Variants in TBL1X observed in about 807,000 individuals in gnomAD.
The protein encoded by TBL1X is transducin beta like 1 X-linked, also known as F-box-like/WD repeat-containing protein TBL1X.
A neutral mutation model predicts 50.7 loss-of-function variants in TBL1X; 10 were observed. The ratio of observed to expected loss-of-function variants is 0.20; its 90% CI spans 0.12 to 0.33. The LOEUF is 0.33. Ranked by LOEUF, TBL1X falls within the 10% of genes least tolerant of loss-of-function variation. TBL1X has a pLI of 1.00. For synonymous variants in TBL1X, 190 were observed against 214.7 expected, an observed-to-expected ratio of 0.88 and a Z score of 1.01; for missense variants, 340 against 504.4, an observed-to-expected ratio of 0.67 and a Z score of 3.12.
At chrX:9,534,199 A>G (rs140259554) in intron 2 of TBL1X, among the ~76,000 whole-genome samples, 1,252 of 111,762 alleles carry the variant, frequency 0.011, 17 homozygotes, top group African/African-American at 0.037. Context: ...CACTGTGTCT[A>G]CAATGTCTGT....
At chrX:9,644,659 C>CTTTTTTT (rs759109242) in intron 3 of TBL1X, 1 of 104,190 alleles carries the variant, frequency 9.6e-6, no homozygotes, top group Non-Finnish European at 2.0e-5. Context: ...CTTTTCTTTT[C>CTTTTTTT]TTTTTTTTTT....
intron 2 of TBL1X, among the ~76,000 whole-genome samples, chrX:9,551,419 C>T (rs1189661635): frequency 1.8e-5 from 2 of 111,250 alleles, no homozygotes; most frequent in South Asian, 3.9e-4. Context: ...TTAAGACCAA[C>T]GGGCCTCTGT....
At chrX:9,496,086 T>G (rs1223606980) in intron 1 of TBL1X, among the ~76,000 whole-genome samples, 2 of 112,423 alleles carry the variant, frequency 1.8e-5, no homozygotes, top group Non-Finnish European at 3.8e-5. Flanking sequence ...ACAATACACA[T>G]TGATATTTTG....
intron 2 of TBL1X, among the ~76,000 whole-genome samples, chrX:9,514,610 C>A (rs73487907): frequency 0.017 from 1,913 of 112,144 alleles, 48 homozygotes; most frequent in African/African-American, 0.058. Flanking sequence ...TACACACTCA[C>A]ACTGCGTTGC....
chrX:9,699,633 G>C (rs1487771156), intron 12 of TBL1X, among the ~76,000 whole-genome samples: 1 of 111,596 alleles, frequency 9.0e-6, no homozygotes, highest in Non-Finnish European at 1.9e-5. Flanking sequence ...CCAGGCAGGG[G>C]ACATGGGCCC....
Position 9,688,139 on chromosome X carries a change from TGCG to T in TBL1X, c.495_497del (p.Ala168del), listed in dbSNP as rs748109795. The T allele has an allele frequency of 6.1e-5, 73 of 1,196,255 alleles. No individual in the cohort carries two copies. The highest frequency in any genetic ancestry group is 1.1e-4 in the Admixed American group (5 of 44,592). On this transcript the variant is annotated inframe_deletion, in exon 7 of 18. Transcript: ENST00000645353. Reference sequence around the variant, plus strand: ...AGAAGCTCGCTCAGCAGCAAGCCAGTGCGGCGGCGGCGGCGGCTGCGGCCACGG... The same window carrying T: ...AGAAGCTCGCTCAGCAGCAAGCCAGTGCGGCGGCGGCGGCTGCGGCCACGG...
At chrX:9,629,047 C>A (rs1244730603) in intron 2 of TBL1X, among the ~76,000 whole-genome samples, 1 of 112,593 alleles carries the variant, frequency 8.9e-6, no homozygotes, top group African/African-American at 3.2e-5. Flanking sequence ...GACAAACCTG[C>A]TCTACTTGTG....
chrX:9,716,033 G>A (rs967034381), intron 17 of TBL1X, among the ~76,000 whole-genome samples, 187 bp from the exon 18 acceptor site: 8 of 112,108 alleles, frequency 7.1e-5, no homozygotes, highest in African/African-American at 1.9e-4. Flanking sequence ...TGCTCGGTCC[G>A]ATGTCCAGAT....
chrX:9,537,370 A>G (rs1375691368), intron 2 of TBL1X, among the ~76,000 whole-genome samples: 1 of 109,473 alleles, frequency 9.1e-6, no homozygotes, highest in African/African-American at 3.3e-5. Context: ...TTCTAAGTAC[A>G]CTGTTCAACA....
chrX:9,652,105 T>A (rs2082838847), intron 3 of TBL1X, among the ~76,000 whole-genome samples: 1 of 112,292 alleles, frequency 8.9e-6, no homozygotes, highest in Non-Finnish European at 1.9e-5. Context: ...AAGCACAGGT[T>A]GTTGGTAGAA....
At chrX:9,600,788 G>A (rs1420290547) in intron 2 of TBL1X, among the ~76,000 whole-genome samples, 1 of 112,007 alleles carries the variant, frequency 8.9e-6, no homozygotes, top group Non-Finnish European at 1.9e-5. Flanking sequence ...AAACCCATCT[G>A]CACAGCATGC....
chrX:9,621,256 G>A (rs1279221987), intron 2 of TBL1X, among the ~76,000 whole-genome samples: 2 of 111,823 alleles, frequency 1.8e-5, no homozygotes, highest in African/African-American at 6.5e-5. Flanking sequence ...GAGACCCATG[G>A]CGGTGTAGTC....
intron 1 of TBL1X, among the ~76,000 whole-genome samples, chrX:9,470,340 T>C (rs896977626): frequency 8.9e-6 from 1 of 112,520 alleles, no homozygotes; most frequent in Non-Finnish European, 1.9e-5. Flanking sequence ...TGGCGCGATC[T>C]CCGCCCGCAA....
chrX:9,483,064 C>T (rs148464698), intron 1 of TBL1X, among the ~76,000 whole-genome samples: 1,171 of 111,193 alleles, frequency 0.011, 20 homozygotes, highest in African/African-American at 0.037. Context: ...CTCTTGGCAT[C>T]TAGCAGGTAG....
intron 5 of TBL1X, among the ~76,000 whole-genome samples, chrX:9,655,891 C>G (rs1387046496): frequency 8.9e-6 from 1 of 112,288 alleles, no homozygotes; most frequent in Non-Finnish European, 1.9e-5. Context: ...GTTTCCTTGC[C>G]CAGGCAAATG....
chrX:9,664,831 G>A (rs920441171), intron 5 of TBL1X, among the ~76,000 whole-genome samples: 2 of 111,016 alleles, frequency 1.8e-5, no homozygotes, highest in Non-Finnish European at 3.8e-5. Flanking sequence ...ATGGCGGCTG[G>A]ATTGTTCTTC....
chrX:9,468,296 T>C (rs1269932400), intron 1 of TBL1X, among the ~76,000 whole-genome samples: 1 of 112,008 alleles, frequency 8.9e-6, no homozygotes, highest in African/African-American at 3.3e-5. Flanking sequence ...ATTTTCAACG[T>C]TGAGCTCTGG....
chrX:9,485,861 A>G (rs974856888), intron 1 of TBL1X, among the ~76,000 whole-genome samples: 6 of 112,178 alleles, frequency 5.3e-5, no homozygotes, highest in African/African-American at 1.3e-4. Flanking sequence ...TGGAGCAGCT[A>G]GGAAGCTACC....
In TBL1X at chrX:9,653,696, C is replaced by T. The variant is rs780687675; in HGVS notation, c.103+7C>T. On this transcript the variant is annotated splice_region_variant and intron_variant, in intron 4 of 17. Transcript: ENST00000645353. ...CAACGTTTGCGAGGGAGAGGTACTGCGGTTCCTCATGTGGCCAGGACCGTG... is the reference window on the plus strand; with the variant it reads ...CAACGTTTGCGAGGGAGAGGTACTGTGGTTCCTCATGTGGCCAGGACCGTG... 1.9e-5 allele frequency: 22 copies of T among 1,163,578 alleles called. No homozygotes were observed. The highest frequency in any genetic ancestry group is 2.4e-5 in the Non-Finnish European group (21 of 870,149).
Sources: allele counts gnomAD v4.1 joint callset (sites outside exome capture counted in the v4.1 genomes callset), GRCh38; gene constraint gnomAD v4.1.1; transcripts MANE v1.5; gene names NCBI Gene and HGNC (gene_info 2026-07-23, HGNC 2026-07-21).